The following PTPRM variants were observed in gnomAD, a reference collection of about 807,000 sequenced individuals.
PTPRM encodes the protein receptor-type tyrosine-protein phosphatase mu.
A neutral mutation model predicts 186.7 loss-of-function variants in PTPRM; 47 were observed. The ratio of observed to expected loss-of-function variants is 0.25; its 90% CI spans 0.20 to 0.32. PTPRM has a LOEUF of 0.32. PTPRM is among the 10% of genes least tolerant of loss of function. The pLI is 1.00. For missense variants in PTPRM, 1,494 were observed against 1,865.0 expected (o/e 0.80, Z 3.66); for synonymous variants, 668 against 674.9 (o/e 0.99, Z 0.16).
intron 20 of PTPRM, among the ~76,000 whole-genome samples, chr18:8,305,816 G>A (rs73396034): frequency 0.17 from 25,494 of 152,034 alleles, 3,635 homozygotes; most frequent in African/African-American, 0.39. Flanking sequence ...CTGTTCCCCA[G>A]TAAGCATACT....
rs200251579 is a variant in PTPRM at position 7,651,559 on chromosome 18, G to A, written c.73+83668G>A. Reference sequence around the variant, plus strand: ...GTACTGGTACCAAAACAGAGATATAGATCAATGGAACAGAACAGAGCCCTC... The same window carrying A: ...GTACTGGTACCAAAACAGAGATATAAATCAATGGAACAGAACAGAGCCCTC... On this transcript the variant is annotated intron_variant, in intron 1 of 32. Transcript: ENST00000580170. 9.9e-5 allele frequency among the ~76,000 whole-genome samples: 15 copies of A among 152,036 alleles called. No individual in the cohort carries two copies. In the South Asian group the frequency reaches 3.1e-3, roughly 32 times the overall value.
chr18:7,576,980 A>G (rs2036704192), intron 1 of PTPRM, among the ~76,000 whole-genome samples: 2 of 152,244 alleles, frequency 1.3e-5, no homozygotes, highest in South Asian at 2.1e-4. Flanking sequence ...CAATTTTAGC[A>G]TGTAGTAGTC....
At chr18:8,070,153 A>G (rs187950904) in intron 8 of PTPRM, among the ~76,000 whole-genome samples, 159 bp downstream of exon 8, 133 of 152,354 alleles carry the variant, frequency 8.7e-4, no homozygotes, top group Admixed American at 2.0e-3. Context: ...GCTGATTGAA[A>G]GAGGGAAAAG....
At chr18:7,719,989 A>G (rs2040416323) in intron 1 of PTPRM, among the ~76,000 whole-genome samples, 1 of 152,168 alleles carries the variant, frequency 6.6e-6, no homozygotes, top group Non-Finnish European at 1.5e-5. Context: ...TCTTGATCGC[A>G]AGAGTTTGAG....
intron 2 of PTPRM, among the ~76,000 whole-genome samples, chr18:7,777,783 C>T (rs1038401335): frequency 6.6e-6 from 1 of 152,140 alleles, no homozygotes; most frequent in Non-Finnish European, 1.5e-5. Flanking sequence ...TCTTGAAAAG[C>T]ATCGTGATGT....
chr18:8,045,223 G>A (rs755815675), intron 7 of PTPRM, among the ~76,000 whole-genome samples: 25 of 152,062 alleles, frequency 1.6e-4, no homozygotes, highest in Admixed American at 1.0e-3. Context: ...TGGCATGTAC[G>A]TCTGGTCCCA....
chr18:8,173,924 C>A (rs1024421519), intron 14 of PTPRM, among the ~76,000 whole-genome samples: 6 of 152,034 alleles, frequency 3.9e-5, no homozygotes, highest in Non-Finnish European at 8.8e-5. Flanking sequence ...CAGAAGTTAG[C>A]CTGTGTGGTG....
At chr18:7,644,706 T>A (rs893916487) in intron 1 of PTPRM, among the ~76,000 whole-genome samples, 1 of 151,634 alleles carries the variant, frequency 6.6e-6, no homozygotes, top group Non-Finnish European at 1.5e-5. Context: ...AATTGGAAAA[T>A]AAGTAGAGGA....
intron 7 of PTPRM, among the ~76,000 whole-genome samples, chr18:8,057,377 T>C (rs2148326353): frequency 6.6e-6 from 1 of 151,578 alleles, no homozygotes; most frequent in East Asian, 1.9e-4. Flanking sequence ...AATTATTCTG[T>C]TTAAAATGAA....
At chr18:8,142,845 A>G (rs746915113) in intron 13 of PTPRM, among the ~76,000 whole-genome samples, 3 of 152,314 alleles carry the variant, frequency 2.0e-5, no homozygotes, top group Non-Finnish European at 4.4e-5. Flanking sequence ...TTCATCCTGA[A>G]TGCACTTAGC....
At chr18:7,808,679 A>T (rs1196823117) in intron 2 of PTPRM, among the ~76,000 whole-genome samples, 13 of 152,230 alleles carry the variant, frequency 8.5e-5, no homozygotes, top group Admixed American at 7.8e-4. Flanking sequence ...TTGAAGTTAC[A>T]TATGCAAAAT....
rs532037386 is a variant in PTPRM at position 8,121,588 on chromosome 18, A to G, written c.2167+6761A>G. Among the ~76,000 whole-genome samples the G allele has an allele frequency of 4.0e-4, 61 of 152,326 alleles. 1 individual carries two copies. Among genetic ancestry groups the G allele is most frequent in the Admixed American group, 1.2e-3 (18 of 15,296 alleles). On this transcript the variant is annotated intron_variant, in intron 13 of 32. Transcript: ENST00000580170. ...CATGTTAACCATGATAACTATAGCA[A>G]AGGCAATTCGTAGTTTCTATTCTTT...
intron 25 of PTPRM, 29 bp from the exon 26 acceptor site, chr18:8,376,433 T>A: frequency 6.2e-7 from 1 of 1,613,886 alleles, no homozygotes; most frequent in Non-Finnish European, 8.5e-7. Context: ...TCCTTCTTCC[T>A]CCACTGACAG....
intron 4 of PTPRM, among the ~76,000 whole-genome samples, chr18:7,918,870 C>T (rs117791120): frequency 1.3e-5 from 2 of 152,116 alleles, no homozygotes; most frequent in Admixed American, 1.3e-4. Context: ...TTTGCCCAGA[C>T]CAATGTTCTG....
intron 32 of PTPRM, among the ~76,000 whole-genome samples, chr18:8,400,675 C>G (rs1010000643): frequency 6.6e-6 from 1 of 152,190 alleles, no homozygotes; most frequent in Non-Finnish European, 1.5e-5. Flanking sequence ...CGCACAGGTT[C>G]AGGTTGCCCC....
chr18:8,346,989 T>G (rs1295926167), intron 23 of PTPRM, among the ~76,000 whole-genome samples: 2 of 152,156 alleles, frequency 1.3e-5, no homozygotes, highest in Non-Finnish European at 2.9e-5. Context: ...CCTAAACATT[T>G]CATCTGCTTT....
chr18:7,670,739 T>C (rs2039200180), intron 1 of PTPRM, among the ~76,000 whole-genome samples: 1 of 152,240 alleles, frequency 6.6e-6, no homozygotes, highest in Non-Finnish European at 1.5e-5. Flanking sequence ...CTGGAACTTA[T>C]ATATAGGAGT....
chr18:8,376,726 G>GTTTC, intron 26 of PTPRM, 129 bp downstream of exon 26: 2 of 1,084,856 alleles, frequency 1.8e-6, no homozygotes, highest in Non-Finnish European at 1.2e-6. Flanking sequence ...GGCATTCCCT[G>GTTTC]TTCCTTCCCT....
At chr18:8,384,814 A>C (rs1397093111) in intron 30 of PTPRM, 128 bp downstream of exon 30, 1 of 1,182,904 alleles carries the variant, frequency 8.5e-7, no homozygotes, top group African/African-American at 1.5e-5. Context: ...GAACCAAAAA[A>C]ACATAGATTC....
Sources: allele counts gnomAD v4.1 joint callset (sites outside exome capture counted in the v4.1 genomes callset), GRCh38; gene constraint gnomAD v4.1.1; transcripts MANE v1.5; gene names NCBI Gene and HGNC (gene_info 2026-07-23, HGNC 2026-07-21).